Variants in TMEM38B observed in about 807,000 individuals in gnomAD.
TMEM38B encodes the protein trimeric intracellular cation channel type B.
TMEM38B carries 24 observed loss-of-function variants against 28.7 expected under a neutral mutation model. The observed-to-expected ratio is 0.84, with a 90% CI of 0.61 to 1.18. TMEM38B has a LOEUF of 1.18. TMEM38B is among the 50% of genes most tolerant of loss of function. The pLI, the probability that TMEM38B is intolerant of heterozygous loss-of-function variation, is 0.00. For synonymous variants in TMEM38B, 131 were observed against 127.7 expected (o/e 1.03, Z -0.17); for missense variants, 380 against 350.9 (o/e 1.08, Z -0.66).
chr9:105,719,234 C>T (rs943345826), intron 2 of TMEM38B, among the ~76,000 whole-genome samples: 5 of 152,106 alleles, frequency 3.3e-5, no homozygotes, highest in East Asian at 3.8e-4. Flanking sequence ...TTTATTCTTT[C>T]GTTATTTTTT....
Position 105,717,818 on chromosome 9 carries a change from TTTAG to T in TMEM38B, c.270-3714_270-3711del, listed in dbSNP as rs1169282169. Among the ~76,000 whole-genome samples the T allele has an allele frequency of 4.6e-5, 7 of 152,318 alleles. No homozygotes were observed. In the South Asian group the frequency reaches 1.2e-3, roughly 27 times the overall value. ...ATGGCAGTTTTCTTGGTTCTAGGTG[TTTAG>T]TTAGGCATTACAAAACAACAATAAT... On this transcript the variant is annotated intron_variant, in intron 2 of 5. Transcript: ENST00000374692.
rs145567606 is a variant in TMEM38B, at chr9:105,760,986, C to T, written c.660+12796C>T. On this transcript the variant is annotated intron_variant, in intron 5 of 5. Transcript: ENST00000374692. ...TACCAAATACTTTTTGTTTTTAACACAGCTATCCAGTAAGGCTATCATGAT... is the reference window on the plus strand; with the variant it reads ...TACCAAATACTTTTTGTTTTTAACATAGCTATCCAGTAAGGCTATCATGAT... 3.4e-3 allele frequency among the ~76,000 whole-genome samples: 511 copies of T among 152,298 alleles called. 5 individuals carry two copies. The highest frequency in any genetic ancestry group is 0.011 in the African/African-American group (476 of 41,572).
Position 105,759,332 on chromosome 9 carries a change from C to G in TMEM38B, c.660+11142C>G, listed in dbSNP as rs962446422. On this transcript the variant is annotated intron_variant, in intron 5 of 5. Coordinates refer to ENST00000374692, the MANE Select transcript of TMEM38B (RefSeq NM_018112.3). Reference sequence around the variant, plus strand: ...AAAAATTCCTTCACAATTTGAATTCCTTCAAATCAATGGAGTGCCTTCTTC... The same window carrying G: ...AAAAATTCCTTCACAATTTGAATTCGTTCAAATCAATGGAGTGCCTTCTTC... 5.9e-6 allele frequency: 6 copies of G among 1,016,846 alleles called. No individual in the cohort carries two copies. In the African/African-American group the frequency reaches 6.4e-5, roughly 11 times the overall value. 63.0% of individuals were successfully genotyped at this position (1,016,846 alleles called of 1,614,324 possible).
intron 2 of TMEM38B, among the ~76,000 whole-genome samples, chr9:105,716,198 T>G (rs1203832469): frequency 6.6e-6 from 1 of 152,144 alleles, no homozygotes; most frequent in African/African-American, 2.4e-5. Flanking sequence ...CAGGCTTGAT[T>G]CTTCTCAGTT....
At chr9:105,747,467 T>A (rs1837456524) in intron 4 of TMEM38B, among the ~76,000 whole-genome samples, 1 of 152,150 alleles carries the variant, frequency 6.6e-6, no homozygotes, top group African/African-American at 2.4e-5. Context: ...TCTTCTCTCT[T>A]TTCTTCTTTA....
At chr9:105,755,889 C>G (rs1837812871) in intron 5 of TMEM38B, among the ~76,000 whole-genome samples, 1 of 151,998 alleles carries the variant, frequency 6.6e-6, no homozygotes. Flanking sequence ...GATTTTGTAT[C>G]CTGCAACCTT....
intron 4 of TMEM38B, among the ~76,000 whole-genome samples, chr9:105,722,867 A>T (rs1408260421): frequency 2.0e-5 from 3 of 152,204 alleles, no homozygotes; most frequent in Non-Finnish European, 4.4e-5. Context: ...AATCAAACAA[A>T]AACCTCTAGA....
At chr9:105,742,314 G>C (rs1000006331) in intron 4 of TMEM38B, among the ~76,000 whole-genome samples, 3 of 152,184 alleles carry the variant, frequency 2.0e-5, no homozygotes, top group African/African-American at 7.2e-5. Context: ...CCAATGTAGA[G>C]GTTGAAGCTG....
chr9:105,710,291 C>A, intron 2 of TMEM38B: 1 of 646,670 alleles, frequency 1.5e-6, no homozygotes, highest in South Asian at 1.7e-5. Context: ...ACAGTTTGGT[C>A]TGTCATTGTC....
At chr9:105,760,108 G>A in intron 5 of TMEM38B, 2 of 892,870 alleles carry the variant, frequency 2.2e-6, no homozygotes, top group South Asian at 1.3e-5. Flanking sequence ...AGAGAGGGTT[G>A]CCATCGATGC....
At chr9:105,759,387 A>AT in intron 5 of TMEM38B, 2 of 1,450,122 alleles carry the variant, frequency 1.4e-6, no homozygotes, top group Non-Finnish European at 1.9e-6. Flanking sequence ...AAAAAGAAGA[A>AT]TAAGATTCTA....
At chr9:105,721,889 G>A (rs1836333971) in intron 3 of TMEM38B, among the ~76,000 whole-genome samples, 168 bp downstream of exon 3, 1 of 152,118 alleles carries the variant, frequency 6.6e-6, no homozygotes, top group African/African-American at 2.4e-5. Flanking sequence ...TTCAAAACTA[G>A]TACTAGTCCT....
Position 105,705,642 on chromosome 9 carries a change from C to T in TMEM38B, c.158C>T (p.Thr53Ile), listed in dbSNP as rs377630880. 6.8e-6 allele frequency: 11 copies of T among 1,614,028 alleles called. No individual in the cohort carries two copies. Among genetic ancestry groups the T allele is most frequent in the Non-Finnish European group, 8.5e-6 (10 of 1,179,994 alleles). Reference protein sequence around the residue: ...AWKNPISSWFTAMLHCFGGGI... With the variant: ...AWKNPISSWFIAMLHCFGGGI... ...AAGAATCCTATTTCAAGCTGGTTTA[C>T]TGCTATGCTCCACTGTTTTGGTGGA... Residue 53 changes from threonine (T) to isoleucine (I), a missense_variant, in exon 2 of 6, where the codon ACT becomes ATT. By Grantham distance (89) the Thr-to-Ile change is moderately conservative. Transcript: ENST00000374692.
rs182410189 is a variant in TMEM38B, at chr9:105,718,206, T to C, written c.270-3331T>C. ...TATTTTCTTTTTCAAAGTTTTCATA[T>C]TTAGAACAAATTTGTAATCTTTGCT... is the stretch of plus-strand genomic sequence containing the variant. On this transcript the variant is annotated intron_variant, in intron 2 of 5. Coordinates refer to ENST00000374692, the MANE Select transcript of TMEM38B (RefSeq NM_018112.3). 4.6e-5 allele frequency among the ~76,000 whole-genome samples: 7 copies of C among 152,220 alleles called. No individual in the cohort carries two copies. In the East Asian group the frequency reaches 1.4e-3, roughly 29 times the overall value.
intron 2 of TMEM38B, among the ~76,000 whole-genome samples, chr9:105,711,820 CAAAA>C (rs534100894): frequency 3.0e-5 from 3 of 99,636 alleles, no homozygotes; most frequent in African/African-American, 3.6e-5. Flanking sequence ...ACCCTGTCTC[CAAAA>C]AAAAAAAAAA....
At chr9:105,722,460 A>G in intron 3 of TMEM38B, 74 bp from the exon 4 acceptor site, 7 of 1,181,254 alleles carry the variant, frequency 5.9e-6, no homozygotes, top group Non-Finnish European at 8.9e-6. Flanking sequence ...CAGGTGATAG[A>G]ATTATGGCTC....
chr9:105,709,731 C>T (rs1041867512), intron 2 of TMEM38B, among the ~76,000 whole-genome samples: 4 of 152,174 alleles, frequency 2.6e-5, no homozygotes, highest in Admixed American at 6.5e-5. Context: ...ATGTAAACTG[C>T]ATGTGGTGTA....
At chr9:105,734,662 T>C in intron 4 of TMEM38B, among the ~76,000 whole-genome samples, 1 of 152,120 alleles carries the variant, frequency 6.6e-6, no homozygotes, top group East Asian at 1.9e-4. Flanking sequence ...TCTTGATGAA[T>C]TGACTTTTTT....
intron 5 of TMEM38B, among the ~76,000 whole-genome samples, chr9:105,770,060 A>G (rs1165802811): frequency 2.0e-5 from 3 of 152,178 alleles, no homozygotes. Flanking sequence ...TGGGGATCCA[A>G]ATAATCATAT....
Sources: gnomAD v4.1 joint callset for allele counts (sites outside exome capture counted in the v4.1 genomes callset) on GRCh38, gnomAD v4.1.1 for gene constraint, MANE v1.5 for transcripts, NCBI Gene and HGNC (gene_info 2026-07-23, HGNC 2026-07-21) for gene names.